The following TMEM130 variants were observed in gnomAD, a reference collection of about 807,000 sequenced individuals.
TMEM130 encodes transmembrane protein 130.
A neutral mutation model predicts 42.9 loss-of-function variants in TMEM130; 37 were observed. The ratio of observed to expected loss-of-function variants is 0.86; its 90% confidence interval spans 0.66 to 1.13. The LOEUF (loss-of-function observed/expected upper bound fraction) is 1.13. Among genes scored for constraint, TMEM130 ranks in the 50% most tolerant of loss-of-function variants. TMEM130 has a pLI of 0.00. For missense variants in TMEM130, 545 were observed against 562.6 expected (o/e 0.97, Z 0.32); for synonymous variants, 259 against 237.7 (o/e 1.09, Z -0.82).
chr7:98,860,366 G>A (rs782580392), intron 2 of TMEM130, 28 bp from the exon 3 acceptor site: 2 of 1,553,746 alleles, frequency 1.3e-6, no homozygotes, highest in African/African-American at 1.4e-5. Context: ...ACGGGAGGGT[G>A]AGTCTTGGAG....
At chr7:98,865,305 G>A (rs951096104) in intron 1 of TMEM130, among the ~76,000 whole-genome samples, 1 of 152,176 alleles carries the variant, frequency 6.6e-6, no homozygotes, top group East Asian at 1.9e-4. Context: ...GAGACCTGCT[G>A]GGCTTTCAAC....
chr7:98,864,385 T>C (rs910971983), intron 1 of TMEM130, among the ~76,000 whole-genome samples: 13 of 150,398 alleles, frequency 8.6e-5, no homozygotes, highest in African/African-American at 2.4e-4. Context: ...TTTTTTCTTT[T>C]TTTTTTTTTT....
chr7:98,855,455 G>T, intron 4 of TMEM130, 131 bp from the exon 5 acceptor site: 1 of 762,524 alleles, frequency 1.3e-6, no homozygotes, highest in Non-Finnish European at 2.0e-6. Flanking sequence ...CCACAGGTCT[G>T]TGCGGGGTTC....
intron 3 of TMEM130, among the ~76,000 whole-genome samples, chr7:98,857,232 C>A (rs1388894541): frequency 6.6e-6 from 1 of 152,162 alleles, no homozygotes; most frequent in Admixed American, 6.6e-5. Context: ...CACTTATTTT[C>A]TTGACTTTCC....
chr7:98,862,976 G>A (rs1794819456), intron 2 of TMEM130, 119 bp downstream of exon 2: 1 of 1,072,382 alleles, frequency 9.3e-7, no homozygotes, highest in Non-Finnish European at 1.3e-6. Flanking sequence ...GGAACCTACG[G>A]GCCTAATCCC....
At chr7:98,863,442 T>C in intron 1 of TMEM130, 42 bp from the exon 2 acceptor site, 1 of 1,503,796 alleles carries the variant, frequency 6.6e-7, no homozygotes, top group Non-Finnish European at 8.9e-7. Context: ...GAATGGTGTG[T>C]GGCAAGGAGC....
intron 1 of TMEM130, among the ~76,000 whole-genome samples, chr7:98,867,958 GTGGCTCACACC>G (rs1237285648): frequency 6.6e-6 from 1 of 152,206 alleles, no homozygotes; most frequent in Non-Finnish European, 1.5e-5. Flanking sequence ...GGCCGGCGTG[GTGGCTCACACC>G]TGTAATCCCA....
chr7:98,869,203 A>G lies in TMEM130; in HGVS notation c.85+574T>C. On this transcript the variant is annotated intron_variant, in intron 1 of 7. Transcript: ENST00000339375. This position sits in a 1 kb window ranked among gnomAD's most constrained non-coding sequence, Gnocchi z 4.7. ...CCCCCACTCCCCCACCCACACACAC[A>G]CCCCAGGAACCTGTCAGCTCCGGGT... The G allele has an allele frequency of 7.8e-7, 1 of 1,287,550 alleles. No homozygotes were observed. Among genetic ancestry groups the G allele is most frequent in the Non-Finnish European group, 1.0e-6 (1 of 988,114 alleles). 79.8% of individuals were successfully genotyped at this position (1,287,550 alleles called of 1,614,324 possible).
At chr7:98,867,703 C>T (rs1554400804) in intron 1 of TMEM130, among the ~76,000 whole-genome samples, 2 of 152,146 alleles carry the variant, frequency 1.3e-5, no homozygotes, top group African/African-American at 4.8e-5. Context: ...CAGACACTGG[C>T]CCAGCTCATG....
In TMEM130 at chr7:98,860,288, G is replaced by T. The variant is rs1191216726; in HGVS notation, c.442C>A (p.Pro148Thr). The T allele has an allele frequency of 6.2e-7, 1 of 1,612,766 alleles. No individual in the cohort carries two copies. Among genetic ancestry groups the T allele is most frequent in the Non-Finnish European group, 8.5e-7 (1 of 1,179,316 alleles). ...ACGGTCTTAGTGAGATAGGAGCTGG[G>T]CCAGGGTAGGGAAGTGTTCTGGGTG... ...VVTQNTSLPW[P>T]SSYLTKTVLK... The change falls in exon 3 of 8, where the codon CCC becomes ACC. Residue 148 changes from proline (P) to threonine (T), a missense_variant. Pro to Thr is a conservative substitution (Grantham distance 38). Transcript: ENST00000339375.
At chr7:98,863,960 A>C (rs751961183) in intron 1 of TMEM130, among the ~76,000 whole-genome samples, 15 of 150,434 alleles carry the variant, frequency 1.0e-4, no homozygotes, top group Non-Finnish European at 1.6e-4. Context: ...TACAATCATC[A>C]CAGTTCGCTG....
chr7:98,857,827 C>T (rs1407977211), intron 3 of TMEM130, among the ~76,000 whole-genome samples: 5 of 149,590 alleles, frequency 3.3e-5, no homozygotes, highest in Admixed American at 6.7e-5. Context: ...CCGGTTCAAA[C>T]GATTCTCCTG....
intron 3 of TMEM130, among the ~76,000 whole-genome samples, chr7:98,857,568 T>C (rs1423068861): frequency 6.6e-6 from 1 of 151,946 alleles, no homozygotes; most frequent in Non-Finnish European, 1.5e-5. Flanking sequence ...GTCGTAATGT[T>C]ACAGGCCTGT....
Position 98,847,310 on chromosome 7 carries a change from T to C in TMEM130, c.*746A>G, listed in dbSNP as rs1554397437. The C allele has an allele frequency of 6.6e-6, 1 of 152,228 alleles. No individual in the cohort carries two copies. The highest frequency in any genetic ancestry group is 2.4e-5 in the African/African-American group (1 of 41,432). The allele number at this position is 152,228 out of a possible 1,614,324, so 9.4% of individuals were successfully genotyped here. ...CAGCCCCCTGCCAGCCAGCAGGGAC[T>C]AGGATGGCCTTATAAAGGGCGCAAG... On this transcript the variant is annotated 3_prime_UTR_variant, in exon 8 of 8. Transcript: ENST00000339375.
At position 98,869,729 on chromosome 7, in the gene TMEM130, C is replaced by T; in HGVS notation, c.85+48G>A. ...CTCGCCCGCTGAGACGGTTCCAGGC[C>T]CCGGGCGGGCTGCGGCTGCAGGGAG... On this transcript the variant is annotated intron_variant, in intron 1 of 7. Transcript: ENST00000339375. The surrounding 1 kb of genome is among the most constrained non-coding windows in gnomAD (Gnocchi z 4.7). The T allele has an allele frequency of 7.7e-7, 1 of 1,306,482 alleles. No individual in the cohort carries two copies. Among genetic ancestry groups the T allele is most frequent in the Non-Finnish European group, 9.9e-7 (1 of 1,015,166 alleles). 80.9% of individuals were successfully genotyped at this position (1,306,482 alleles called of 1,614,324 possible).
At chr7:98,848,822 C>T (rs542787459) in intron 6 of TMEM130, 127 bp from the exon 7 acceptor site, 4 of 700,004 alleles carry the variant, frequency 5.7e-6, no homozygotes, top group African/African-American at 5.3e-5. Flanking sequence ...CCCTCATGTA[C>T]ATGCATCCCA....
At chr7:98,851,729 A>G in intron 5 of TMEM130, 106 bp from the exon 6 acceptor site, 1 of 1,030,966 alleles carries the variant, frequency 9.7e-7, no homozygotes, top group East Asian at 2.6e-5. Context: ...TGTCCTTTCC[A>G]GGACAGGACA....
chr7:98,854,825 C>T (rs782401851), intron 5 of TMEM130, among the ~76,000 whole-genome samples: 2 of 152,122 alleles, frequency 1.3e-5, no homozygotes, highest in Non-Finnish European at 2.9e-5. Context: ...CACTTGAGGT[C>T]AGGAGTTGGA....
Position 98,851,344 on chromosome 7 carries a change from G to A in TMEM130, c.1006+77C>T, listed in dbSNP as rs569708601. On this transcript the variant is annotated intron_variant, in intron 6 of 7. Transcript: ENST00000339375. ...CTTGGTAAGGCTGGCTGGTAGGAGC[G>A]TATTGGTGGTGGTGGCAGGATGGAC... 171 of 1,439,190 alleles carry A rather than the reference G, an allele frequency of 1.2e-4. 1 individual carries two copies. The African/African-American group carries it at 1.7e-3, about 14-fold the overall frequency. The allele number at this position is 1,439,190 out of a possible 1,614,324, so 89.2% of individuals were successfully genotyped here. A position where few individuals can be genotyped will look rare whatever the true frequency, so the allele number is the denominator to read the frequency against.
Sources: allele counts gnomAD v4.1 joint callset (sites outside exome capture counted in the v4.1 genomes callset), GRCh38; gene constraint gnomAD v4.1.1; non-coding constraint Gnocchi (gnomAD v3.1); transcripts MANE v1.5; gene names NCBI Gene and HGNC (gene_info 2026-07-23, HGNC 2026-07-21).